MGAT5: variants seen among roughly 807,000 people sequenced by gnomAD.
MGAT5 encodes alpha-1,6-mannosylglycoprotein 6-beta-N-acetylglucosaminyltransferase.
Under a neutral mutation model 94.3 loss-of-function variants are expected in MGAT5, and 30 were observed. The ratio of observed to expected loss-of-function variants is 0.32; its 90% confidence interval spans 0.24 to 0.43. The LOEUF is 0.43. Among genes scored for constraint, MGAT5 ranks in the 20% least tolerant of loss-of-function variants. MGAT5 has a pLI of 1.00. For missense variants in MGAT5, 691 were observed against 905.5 expected (o/e 0.76, Z 3.04); for synonymous variants, 310 against 322.9 (o/e 0.96, Z 0.43).
At chr2:134,352,464 C>T (rs1370789596) in intron 9 of MGAT5, among the ~76,000 whole-genome samples, 1 of 152,050 alleles carries the variant, frequency 6.6e-6, no homozygotes, top group Admixed American at 6.5e-5. Context: ...AGAGCTACTC[C>T]CTTTTATATA....
chr2:134,276,907 G>T (rs933862573), intron 2 of MGAT5, among the ~76,000 whole-genome samples: 1 of 152,188 alleles, frequency 6.6e-6, no homozygotes, highest in African/African-American at 2.4e-5. Context: ...CAGACCGTGG[G>T]ACAGGGCAAG....
chr2:134,232,632 C>T (rs540453850), intron 1 of MGAT5, among the ~76,000 whole-genome samples: 1 of 152,202 alleles, frequency 6.6e-6, no homozygotes, highest in South Asian at 2.1e-4. Context: ...CAATACCAAA[C>T]CAGGAAGTTG....
chr2:134,349,106 A>G lies in MGAT5; in HGVS notation c.1113-699A>G, dbSNP rs898425862. ...ACATGTCACAAAATATTTTTTAAAAACCATTTAAGAATGTAAATATTATTC... is the reference window on the plus strand; with the variant it reads ...ACATGTCACAAAATATTTTTTAAAAGCCATTTAAGAATGTAAATATTATTC... On this transcript the variant is annotated intron_variant, in intron 8 of 15. Coordinates refer to ENST00000281923, the MANE Select transcript of MGAT5 (RefSeq NM_002410.5). Among the ~76,000 whole-genome samples, 10 of 152,342 alleles carry G rather than the reference A, an allele frequency of 6.6e-5. No homozygotes were observed. The East Asian group carries it at 1.2e-3, about 18-fold the overall frequency.
chr2:134,306,073 G>C (rs900203441), intron 2 of MGAT5, among the ~76,000 whole-genome samples: 6 of 151,670 alleles, frequency 4.0e-5, no homozygotes, highest in African/African-American at 1.5e-4. Context: ...TGTTTGTTTT[G>C]ATGTATAAAA....
At chr2:134,259,910 A>G (rs935229604) in intron 1 of MGAT5, among the ~76,000 whole-genome samples, 1 of 152,206 alleles carries the variant, frequency 6.6e-6, no homozygotes, top group East Asian at 1.9e-4. Flanking sequence ...AGGAAGAAAA[A>G]TGGTGATAGG....
At position 134,426,717 on chromosome 2, in the gene MGAT5, G is replaced by A. The variant is rs1314134896; in HGVS notation, c.1795-1648G>A. ...TGGGTTGAGTAAACATCCTTTAAAA[G>A]AAAAGAAAAAATTTTACATTTTGTG... On this transcript the variant is annotated intron_variant, in intron 13 of 15. Transcript: ENST00000281923. Among the ~76,000 whole-genome samples the A allele has an allele frequency of 5.3e-5, 8 of 151,010 alleles. No homozygotes were observed. The South Asian group carries it at 1.1e-3, about 20-fold the overall frequency.
intron 1 of MGAT5, among the ~76,000 whole-genome samples, chr2:134,198,648 A>G (rs889370035): frequency 6.6e-6 from 1 of 152,200 alleles, no homozygotes; most frequent in Admixed American, 6.5e-5. Context: ...TACCTGGAGA[A>G]GACTAATGGG....
At position 134,428,859 on chromosome 2, in the gene MGAT5, C is replaced by T. The variant is rs537398799; in HGVS notation, c.1869+420C>T. 1.1e-4 allele frequency among the ~76,000 whole-genome samples: 16 copies of T among 152,296 alleles called. No individual in the cohort carries two copies. In the East Asian group the frequency reaches 2.7e-3, roughly 26 times the overall value. ...CTTTTTAGAGGTTTTCAGACATCTTCTAAAAGCAGGACCCTTTGTCAAATG... is the reference window on the plus strand; with the variant it reads ...CTTTTTAGAGGTTTTCAGACATCTTTTAAAAGCAGGACCCTTTGTCAAATG... On this transcript the variant is annotated intron_variant, in intron 14 of 15. Transcript: ENST00000281923.
chr2:134,307,997 A>T (rs555706500), intron 2 of MGAT5, among the ~76,000 whole-genome samples: 1 of 152,288 alleles, frequency 6.6e-6, no homozygotes, highest in Admixed American at 6.5e-5. Context: ...AAATGTGCAG[A>T]TAGGGCTAGG....
intron 10 of MGAT5, among the ~76,000 whole-genome samples, chr2:134,381,331 A>ATAGATAGATAGATAGATAGG (rs1558841341): frequency 2.2e-4 from 2 of 8,998 alleles, no homozygotes; most frequent in Admixed American, 2.5e-3. Flanking sequence ...GACCTGTCTC[A>ATAGATAGATAGATAGATAGG]TAGATAGATA....
At chr2:134,358,202 T>TAA (rs397743524) in intron 9 of MGAT5, among the ~76,000 whole-genome samples, 1 of 151,562 alleles carries the variant, frequency 6.6e-6, no homozygotes, top group African/African-American at 2.4e-5. Flanking sequence ...TTTTTTTTTT[T>TAA]GGATGCATAA....
chr2:134,205,903 A>C (rs552251517), intron 1 of MGAT5, among the ~76,000 whole-genome samples: 2 of 152,188 alleles, frequency 1.3e-5, no homozygotes, highest in Admixed American at 1.3e-4. Context: ...CCCTGCAGAG[A>C]TGTTAGAAAA....
chr2:134,429,372 G>A (rs1234318383), intron 14 of MGAT5, among the ~76,000 whole-genome samples: 1 of 152,196 alleles, frequency 6.6e-6, no homozygotes, highest in East Asian at 1.9e-4. Context: ...CTTCGGGGTG[G>A]TGTGTCTGAT....
chr2:134,351,444 A>C (rs1364190577), intron 9 of MGAT5, among the ~76,000 whole-genome samples: 1 of 152,140 alleles, frequency 6.6e-6, no homozygotes, highest in African/African-American at 2.4e-5. Context: ...TGTGCCCTAC[A>C]AGAGATAGAG....
intron 1 of MGAT5, among the ~76,000 whole-genome samples, chr2:134,218,427 C>T (rs1019567032): frequency 5.3e-5 from 8 of 152,138 alleles, no homozygotes; most frequent in Non-Finnish European, 1.0e-4. Flanking sequence ...TGAGTTGGGT[C>T]GTTCTTTTAG....
intron 10 of MGAT5, among the ~76,000 whole-genome samples, chr2:134,366,653 T>A (rs893946825): frequency 1.6e-4 from 24 of 152,306 alleles, no homozygotes; most frequent in African/African-American, 5.5e-4. Flanking sequence ...AATGCACACA[T>A]CACCTGAGGA....
intron 1 of MGAT5, among the ~76,000 whole-genome samples, chr2:134,248,242 C>T (rs1682392373): frequency 6.6e-6 from 1 of 152,218 alleles, no homozygotes; most frequent in Non-Finnish European, 1.5e-5. Flanking sequence ...TCATTTCCAC[C>T]ATCCTGTCCT....
intron 1 of MGAT5, among the ~76,000 whole-genome samples, chr2:134,176,572 TA>T (rs66689362): frequency 0.041 from 3,398 of 83,308 alleles, 181 homozygotes; most frequent in East Asian, 0.3. Context: ...GACTCTGTCT[TA>T]AAAAAAAAAA....
intron 1 of MGAT5, among the ~76,000 whole-genome samples, chr2:134,237,582 T>C (rs1178462369): frequency 6.6e-6 from 1 of 151,934 alleles, no homozygotes; most frequent in Non-Finnish European, 1.5e-5. Context: ...GCAGAAAGCC[T>C]ATCACTCAAA....
Sources: allele counts gnomAD v4.1 joint callset (sites outside exome capture counted in the v4.1 genomes callset), GRCh38; gene constraint gnomAD v4.1.1; transcripts MANE v1.5; gene names NCBI Gene and HGNC (gene_info 2026-07-23, HGNC 2026-07-21).